The following ADAMTS17 variants were observed in gnomAD, a reference collection of about 807,000 sequenced individuals.
The protein encoded by ADAMTS17 is ADAM metallopeptidase with thrombospondin type 1 motif 17.
In ADAMTS17, 113 loss-of-function variants were observed where a neutral mutation model predicts 141.5. The observed-to-expected ratio is 0.80, with a 90% CI of 0.69 to 0.93. ADAMTS17 has a LOEUF of 0.93. ADAMTS17 is among the 40% of genes least tolerant of loss of function. ADAMTS17 has a pLI of 0.00. For synonymous variants in ADAMTS17, 768 were observed against 630.6 expected (o/e 1.22, Z -3.27); for missense variants, 1,659 against 1,517.9 (o/e 1.09, Z -1.54).
rs754980579 is a variant in ADAMTS17 at position 100,330,953 on chromosome 15, C to G, written c.552G>C (p.Trp184Cys). Residue 184 changes from tryptophan to cysteine, a missense_variant, in exon 3 of 22, where the codon TGG becomes TGC. Physicochemically the swap from Trp to Cys is radical, Grantham distance 215 (BLOSUM62 -2). Transcript: ENST00000268070. ...CAGCAGAAGGGCTGGGGGTCAAGGACCATTTGCGCCTGATCAGATGTTCTC... is the reference window on the plus strand; with the variant it reads ...CAGCAGAAGGGCTGGGGGTCAAGGAGCATTTGCGCCTGATCAGATGTTCTC... The part of the protein sequence containing the change: ...SGREHLIRRK[W>C]SLTPSPSAEA... 46 of 1,614,104 alleles carry G rather than the reference C, an allele frequency of 2.8e-5. No homozygotes were observed. In the South Asian group the frequency reaches 4.5e-4, roughly 16 times the overall value.
chr15:100,336,535 A>C (rs983988509), intron 2 of ADAMTS17, among the ~76,000 whole-genome samples: 1 of 152,108 alleles, frequency 6.6e-6, no homozygotes, highest in Non-Finnish European at 1.5e-5. Context: ...TATTCTCCAA[A>C]CATATTTATT....
chr15:100,273,138 T>C (rs1356008559), intron 4 of ADAMTS17, among the ~76,000 whole-genome samples: 1 of 152,174 alleles, frequency 6.6e-6, no homozygotes, highest in Non-Finnish European at 1.5e-5. Flanking sequence ...ATTTGAACTA[T>C]TGTTTTCTTA....
In ADAMTS17 at chr15:100,302,364, A is replaced by G. The variant is rs2045070243; in HGVS notation, c.617-20963T>C. Among the ~76,000 whole-genome samples the G allele has an allele frequency of 3.9e-5, 6 of 152,334 alleles. No individual in the cohort carries two copies. The South Asian group carries it at 1.2e-3, about 32-fold the overall frequency. ...TGAAGCTATTATCAACAATGCTGCT[A>G]TGGACGTTCTTACTCAAGTTTCTGT... On this transcript the variant is annotated intron_variant, in intron 3 of 21. Transcript: ENST00000268070.
At chr15:99,992,141 TAACA>T (rs1231704579) in intron 20 of ADAMTS17, among the ~76,000 whole-genome samples, 5 of 151,908 alleles carry the variant, frequency 3.3e-5, no homozygotes, top group Non-Finnish European at 7.4e-5. Context: ...TATACCTGTG[TAACA>T]AACCTGCACT....
chr15:100,056,164 T>C (rs747644565), intron 15 of ADAMTS17, among the ~76,000 whole-genome samples: 2 of 152,230 alleles, frequency 1.3e-5, no homozygotes, highest in Admixed American at 6.5e-5. Flanking sequence ...GAGCTAATAA[T>C]GCAAATACAT....
intron 8 of ADAMTS17, 126 bp from the exon 9 acceptor site, chr15:100,155,446 G>T: frequency 7.5e-7 from 1 of 1,332,470 alleles, no homozygotes; most frequent in Non-Finnish European, 1.0e-6. Context: ...CGTGAAAGTG[G>T]TTCTCACACA....
intron 18 of ADAMTS17, among the ~76,000 whole-genome samples, chr15:100,010,617 T>C (rs1053962013): frequency 2.6e-5 from 4 of 152,242 alleles, no homozygotes; most frequent in African/African-American, 9.6e-5. Flanking sequence ...TGCCTGAGAC[T>C]GGGTCCCTCT....
At chr15:100,145,691 G>GA (rs2038868903) in intron 10 of ADAMTS17, among the ~76,000 whole-genome samples, 1 of 152,120 alleles carries the variant, frequency 6.6e-6, no homozygotes. Context: ...GAGTATAAAT[G>GA]GTTAATATGC....
chr15:100,173,832 G>A lies in ADAMTS17; in HGVS notation c.1182-18512C>T, dbSNP rs867731459. Among the ~76,000 whole-genome samples the A allele has an allele frequency of 3.9e-5, 6 of 152,252 alleles. 1 individual carries two copies. Among genetic ancestry groups the A allele is most frequent in the Middle Eastern group, 6.8e-3 (2 of 294 alleles). On this transcript the variant is annotated intron_variant, in intron 8 of 21. Coordinates refer to ENST00000268070, the MANE Select transcript of ADAMTS17 (RefSeq NM_139057.4). ...GGCCCACCTCAGACCAAGTAAACCA[G>A]GCTCTTTGGAGTACAGGCCAGGCAT...
intron 12 of ADAMTS17, among the ~76,000 whole-genome samples, chr15:100,119,099 T>C (rs1314012452): frequency 2.2e-5 from 3 of 137,202 alleles, no homozygotes; most frequent in South Asian, 2.4e-4. Flanking sequence ...ATGCCAAACA[T>C]TGTCAGCAAG....
At position 100,145,812 on chromosome 15, in the gene ADAMTS17, GTTAT is replaced by G. The variant is rs753067986; in HGVS notation, c.1473+6796_1473+6799del. On this transcript the variant is annotated intron_variant, in intron 10 of 21. Coordinates refer to ENST00000268070, the MANE Select transcript of ADAMTS17 (RefSeq NM_139057.4). ...TTGGCATATTAGCTAAAACTCTGTT[GTTAT>G]TTATTGGTTGCTTTACTAAGTTGAC... is the stretch of plus-strand genomic sequence containing the variant. Among the ~76,000 whole-genome samples, 13 of 152,300 alleles carry G rather than the reference GTTAT, an allele frequency of 8.5e-5. No homozygotes were observed. In the East Asian group the frequency reaches 9.6e-4, roughly 11 times the overall value.
chr15:100,299,286 G>T (rs555878704), intron 3 of ADAMTS17, among the ~76,000 whole-genome samples: 1 of 151,216 alleles, frequency 6.6e-6, no homozygotes, highest in Non-Finnish European at 1.5e-5. Context: ...ACGCCCGGAC[G>T]TCAGGGTGTG....
intron 6 of ADAMTS17, chr15:100,256,911 G>T (rs138257240): frequency 5.8e-4 from 88 of 152,618 alleles, no homozygotes; most frequent in African/African-American, 2.0e-3. Flanking sequence ...CCACTCAGGG[G>T]TCCTTCCAAG....
intron 2 of ADAMTS17, 23 bp from the exon 3 acceptor site, chr15:100,331,077 C>A (rs114654364): frequency 6.2e-7 from 1 of 1,613,892 alleles, no homozygotes; most frequent in East Asian, 2.2e-5. Context: ...GAGAAGGAAA[C>A]GCGATGTCGG....
At chr15:100,084,069 G>T (rs529864122) in intron 15 of ADAMTS17, among the ~76,000 whole-genome samples, 33 of 152,234 alleles carry the variant, frequency 2.2e-4, no homozygotes, top group African/African-American at 7.7e-4. Context: ...GAAGTGAAAG[G>T]GGTCAGGGAA....
At position 100,059,171 on chromosome 15, in the gene ADAMTS17, G is replaced by T. The variant is rs556990979; in HGVS notation, c.2138-5117C>A. ...GGAGGTCCTGGTCTGGAGCCGATGA[G>T]TTGGAGAACTCCTGCACAATCACAA... On this transcript the variant is annotated intron_variant, in intron 15 of 21. Coordinates refer to ENST00000268070, the MANE Select transcript of ADAMTS17 (RefSeq NM_139057.4). Among the ~76,000 whole-genome samples the T allele has an allele frequency of 4.1e-4, 63 of 152,358 alleles. 1 individual carries two copies. The highest frequency in any genetic ancestry group is 9.1e-4 in the Admixed American group (14 of 15,310).
intron 3 of ADAMTS17, among the ~76,000 whole-genome samples, chr15:100,324,883 T>C (rs1350936895): frequency 8.6e-5 from 13 of 151,966 alleles, no homozygotes; most frequent in Admixed American, 8.5e-4. Flanking sequence ...CCCTAAGAGG[T>C]AGATGACATT....
chr15:100,173,381 C>A (rs1220952789), intron 8 of ADAMTS17, among the ~76,000 whole-genome samples: 2 of 152,076 alleles, frequency 1.3e-5, no homozygotes, highest in African/African-American at 2.4e-5. Flanking sequence ...GATTTACAAC[C>A]CAAAGTATGC....
rs73485970 is a variant in ADAMTS17, at chr15:100,332,340, C to T, written c.451-1286G>A. On this transcript the variant is annotated intron_variant, in intron 2 of 21. Coordinates refer to ENST00000268070, the MANE Select transcript of ADAMTS17 (RefSeq NM_139057.4). ...TCTGCAGAGCTCCATCACAGCTGTG[C>T]GCGATGCGGCCTCGGTGCAGAACAC... 4.8e-3 allele frequency among the ~76,000 whole-genome samples: 727 copies of T among 152,348 alleles called. 8 individuals carry two copies. The highest frequency in any genetic ancestry group is 0.017 in the African/African-American group (688 of 41,578).
Sources: gnomAD v4.1 joint callset for allele counts (sites outside exome capture counted in the v4.1 genomes callset) on GRCh38, gnomAD v4.1.1 for gene constraint, MANE v1.5 for transcripts, NCBI Gene and HGNC (gene_info 2026-07-23, HGNC 2026-07-21) for gene names.